ZNF454: variants seen among roughly 807,000 people sequenced by gnomAD.
The protein encoded by ZNF454 is zinc finger protein 454.
ZNF454 carries 30 observed loss-of-function variants against 48.2 expected under a neutral mutation model. The ratio of observed to expected loss-of-function variants is 0.62; its 90% CI spans 0.47 to 0.84. The LOEUF is 0.84. ZNF454 is among the 40% of genes least tolerant of loss of function. The pLI is 0.00. For synonymous variants in ZNF454, 204 were observed against 211.4 expected (o/e 0.97, Z 0.30); for missense variants, 510 against 623.1 (o/e 0.82, Z 1.93).
chr5:178,982,065 T>G, the ZNF454 span, among the ~76,000 whole-genome samples: 1 of 150,694 alleles, frequency 6.6e-6, no homozygotes, highest in African/African-American at 2.4e-5. Flanking sequence ...GAGGGAGGGG[T>G]GAGGAGGGGT....
chr5:178,986,967 A>C, the ZNF454 span: 6 of 1,613,758 alleles, frequency 3.7e-6, no homozygotes, highest in Non-Finnish European at 5.1e-6. Context: ...TGAACATCAC[A>C]GGGGTTCCTG....
At chr5:178,963,807 C>T (rs752041639) in intron 4 of ZNF454, among the ~76,000 whole-genome samples, 3 of 151,750 alleles carry the variant, frequency 2.0e-5, no homozygotes, top group Non-Finnish European at 4.4e-5. Context: ...GCATTTCACA[C>T]AGCCTGTACA....
chr5:178,957,304 A>G (rs1759812042), intron 4 of ZNF454, among the ~76,000 whole-genome samples: 1 of 152,108 alleles, frequency 6.6e-6, no homozygotes, highest in Non-Finnish European at 1.5e-5. Context: ...CCTGGGTGTG[A>G]CCTCTTGACA....
At chr5:178,975,847 C>G in the ZNF454 span, 4 of 308,788 alleles carry the variant, frequency 1.3e-5, no homozygotes, top group African/African-American at 8.7e-5. Flanking sequence ...AGGAGATTTA[C>G]CCCCAATCAT....
downstream of ZNF454, among the ~76,000 whole-genome samples, chr5:178,967,862 C>G (rs1760188682): frequency 6.6e-6 from 1 of 151,348 alleles, no homozygotes; most frequent in African/African-American, 2.4e-5. Context: ...GCCTCAGCCT[C>G]CCGAGTAGCT....
At chr5:178,983,538 GC>G in the ZNF454 span, 4 of 551,216 alleles carry the variant, frequency 7.3e-6, no homozygotes, top group East Asian at 1.7e-4. Context: ...CTGCATTCTA[GC>G]CATTACCAAT....
At chr5:178,968,856 C>A, downstream of ZNF454, 1 of 456,726 alleles carries the variant, frequency 2.2e-6, no homozygotes, top group Non-Finnish European at 4.4e-6. Flanking sequence ...GGCGTGCAGC[C>A]ACTTGAGTCT....
chr5:178,977,860 C>T, the ZNF454 span, among the ~76,000 whole-genome samples: 1 of 152,204 alleles, frequency 6.6e-6, no homozygotes, highest in Non-Finnish European at 1.5e-5. Context: ...GCCAAGATTA[C>T]AGGCATGAGC....
At chr5:178,961,583 A>T (rs1760014657) in intron 4 of ZNF454, among the ~76,000 whole-genome samples, 1 of 151,630 alleles carries the variant, frequency 6.6e-6, no homozygotes, top group South Asian at 2.1e-4. Context: ...TGGGAGGCCA[A>T]GGCGGGCGGA....
the ZNF454 span, chr5:178,981,875 C>T: frequency 6.1e-6 from 9 of 1,473,900 alleles, no homozygotes; most frequent in African/African-American, 8.3e-5. This position sits in a 1 kb window ranked among gnomAD's most constrained non-coding sequence, Gnocchi z 5.1. Flanking sequence ...GAAGAGGGGA[C>T]CAGATGGGAC....
chr5:178,956,146 T>G (rs992288796), intron 4 of ZNF454, among the ~76,000 whole-genome samples: 1 of 152,226 alleles, frequency 6.6e-6, no homozygotes, highest in Admixed American at 6.5e-5. Context: ...CTCTAATCAT[T>G]TTTGATTTCC....
the ZNF454 span, chr5:178,987,049 C>T: frequency 6.5e-7 from 1 of 1,534,052 alleles, no homozygotes; most frequent in South Asian, 1.1e-5. Context: ...CTGGGGAGGC[C>T]CCAGGGACCA....
intron 2 of ZNF454, among the ~76,000 whole-genome samples, chr5:178,945,289 G>A (rs1202961559): frequency 2.0e-5 from 3 of 150,760 alleles, no homozygotes; most frequent in Non-Finnish European, 4.4e-5. Context: ...ATGTGCATGC[G>A]CACTTGTGTG....
chr5:178,957,780 TACTG>T (rs2113247887), intron 4 of ZNF454, among the ~76,000 whole-genome samples: 1 of 152,288 alleles, frequency 6.6e-6, no homozygotes, highest in East Asian at 1.9e-4. Flanking sequence ...AGACCAGTCT[TACTG>T]AACTGGATTA....
Position 178,946,370 on chromosome 5 carries a change from C to G in ZNF454, c.45C>G (p.Thr15=). The G allele has an allele frequency of 1.2e-6, 2 of 1,611,912 alleles. No individual in the cohort carries two copies. The highest frequency in any genetic ancestry group is 1.7e-6 in the Non-Finnish European group (2 of 1,179,116). The change falls in exon 3 of 5, where the codon ACC becomes ACG. Residue 15 remains threonine (T), a synonymous_variant. Coordinates refer to ENST00000519564, the MANE Select transcript of ZNF454 (RefSeq NM_001178089.3). This position sits in a 1 kb window ranked among gnomAD's most constrained non-coding sequence, Gnocchi z 4.5. ...HLPTMVQESV[T]FKDVAILFTQ... The stretch of plus-strand genomic sequence containing the variant: ...ATTTGCTGTTGCAGGAATCGGTGAC[C>G]TTCAAGGATGTGGCTATACTGTTCA...
At chr5:178,973,794 G>C in the ZNF454 span, among the ~76,000 whole-genome samples, 1 of 144,596 alleles carries the variant, frequency 6.9e-6, no homozygotes, top group South Asian at 2.2e-4. Context: ...AGTGAGCCGA[G>C]ATCGCGCCAC....
chr5:178,951,093 T>C (rs952324940), intron 4 of ZNF454, among the ~76,000 whole-genome samples: 2 of 151,934 alleles, frequency 1.3e-5, no homozygotes, highest in Non-Finnish European at 2.9e-5. Context: ...CTCCTGACCT[T>C]GTGATCCGCC....
chr5:178,988,997 G>A, the ZNF454 span: 722 of 1,614,008 alleles, frequency 4.5e-4, no homozygotes, highest in Non-Finnish European at 5.6e-4. The surrounding 1 kb of genome is among the most constrained non-coding windows in gnomAD (Gnocchi z 6.0). Flanking sequence ...TTCCATCGCC[G>A]GGCACAGGCC....
intron 4 of ZNF454, among the ~76,000 whole-genome samples, chr5:178,952,557 G>A (rs542663715): frequency 6.6e-6 from 1 of 152,146 alleles, no homozygotes; most frequent in African/African-American, 2.4e-5. Flanking sequence ...TCTTACCTGA[G>A]GAAGTAAAAT....
Sources: allele counts gnomAD v4.1 joint callset (sites outside exome capture counted in the v4.1 genomes callset), GRCh38; gene constraint gnomAD v4.1.1; non-coding constraint Gnocchi (gnomAD v3.1); transcripts MANE v1.5; gene names NCBI Gene and HGNC (gene_info 2026-07-23, HGNC 2026-07-21).